AKAP13: variants seen among roughly 807,000 people sequenced by gnomAD.
AKAP13 encodes A-kinase anchoring protein 13.
In AKAP13, 80 loss-of-function variants were observed where a neutral mutation model predicts 264.5. The ratio of observed to expected loss-of-function variants is 0.30; its 90% CI spans 0.25 to 0.36. The LOEUF (loss-of-function observed/expected upper bound fraction) is 0.36, where lower values mean the gene tolerates loss of function less well. Ranked by LOEUF, AKAP13 falls within the 10% of genes least tolerant of loss-of-function variation. The pLI, the probability that AKAP13 is intolerant of heterozygous loss-of-function variation, is 1.00. For synonymous variants in AKAP13, 1,380 were observed against 1,250.2 expected, an observed-to-expected ratio of 1.10 and a Z score of -2.19; for missense variants, 3,712 against 3,435.2, an observed-to-expected ratio of 1.08 and a Z score of -2.01.
intron 10 of AKAP13, among the ~76,000 whole-genome samples, chr15:85,649,769 A>G (rs1284382246): frequency 6.6e-6 from 1 of 152,124 alleles, no homozygotes; most frequent in African/African-American, 2.4e-5. Context: ...TAAAATTTAG[A>G]TTTTATTTTT....
In AKAP13 at chr15:85,588,594, A is replaced by T. The variant is rs2079454851; in HGVS notation, c.4161+2771A>T. On this transcript the variant is annotated intron_variant, in intron 8 of 36. Coordinates refer to ENST00000394518, the MANE Select transcript of AKAP13 (RefSeq NM_007200.5). ...ATTCTAATGGTATCTTGTCTACTAT[A>T]AAGAAGAAAACAAAACATGACTTAA... Among the ~76,000 whole-genome samples, 4 of 152,226 alleles carry T rather than the reference A, an allele frequency of 2.6e-5. No individual in the cohort carries two copies. The South Asian group carries it at 8.3e-4, about 32-fold the overall frequency.
chr15:85,554,344 A>C (rs549022296), intron 5 of AKAP13, among the ~76,000 whole-genome samples: 1 of 152,206 alleles, frequency 6.6e-6, no homozygotes, highest in African/African-American at 2.4e-5. Flanking sequence ...TTGGAGAGCT[A>C]GGAAGGACAA....
chr15:85,636,222 A>T (rs1390768729), intron 8 of AKAP13, among the ~76,000 whole-genome samples: 1 of 152,092 alleles, frequency 6.6e-6, no homozygotes, highest in African/African-American at 2.4e-5. Flanking sequence ...CTAATTGCTC[A>T]TTGCTAGTAT....
intron 8 of AKAP13, among the ~76,000 whole-genome samples, chr15:85,593,897 A>T (rs1325118415): frequency 1.3e-5 from 2 of 152,216 alleles, no homozygotes; most frequent in Non-Finnish European, 2.9e-5. Context: ...AGTTTTGCCA[A>T]CTACCAGCTG....
intron 2 of AKAP13, among the ~76,000 whole-genome samples, chr15:85,510,931 A>G (rs2076394836): frequency 6.6e-6 from 1 of 152,140 alleles, no homozygotes; most frequent in African/African-American, 2.4e-5. Flanking sequence ...GGCAAATCCC[A>G]TGTTTTTAGG....
chr15:85,582,537 A>G (rs763647831), intron 7 of AKAP13, among the ~76,000 whole-genome samples: 20 of 152,100 alleles, frequency 1.3e-4, no homozygotes, highest in Non-Finnish European at 2.4e-4. Context: ...CTCCCCTATC[A>G]TCCTAGTCTG....
In AKAP13 at chr15:85,718,715, C is replaced by G; in HGVS notation, c.6002-361C>G. The G allele has an allele frequency of 3.8e-6, 1 of 263,498 alleles. No individual in the cohort carries two copies. The highest frequency in any genetic ancestry group is 4.0e-5 in the South Asian group (1 of 25,252). The allele number at this position is 263,498 out of a possible 1,614,324, so 16.3% of individuals were successfully genotyped here. A position where few individuals can be genotyped will look rare whatever the true frequency, so the allele number is the denominator to read the frequency against. ...CCAGAGTTCAAGACTAGCCTGGGAA[C>G]ATAGTGAAACCCCATTTCTATAAAA... On this transcript the variant is annotated intron_variant, in intron 22 of 36. Transcript: ENST00000394518. This position sits in a 1 kb window ranked among gnomAD's most constrained non-coding sequence, Gnocchi z 4.9.
chr15:85,594,836 G>C (rs1001697155), intron 8 of AKAP13, among the ~76,000 whole-genome samples: 1 of 152,152 alleles, frequency 6.6e-6, no homozygotes, highest in Non-Finnish European at 1.5e-5. Context: ...TTTAACAAGA[G>C]TCTAGTGATA....
At chr15:85,453,626 C>A (rs1008339790) in intron 1 of AKAP13, among the ~76,000 whole-genome samples, 3 of 152,170 alleles carry the variant, frequency 2.0e-5, no homozygotes, top group African/African-American at 7.2e-5. Context: ...AAAAAGCAGT[C>A]TGGCCACATT....
chr15:85,741,094 C>T lies in AKAP13; in HGVS notation c.7657C>T (p.Leu2553=). The change falls in exon 35 of 37, where the codon CTG becomes TTG. Residue 2553 remains leucine, a synonymous_variant. Transcript: ENST00000394518. ...CTACATTGAGGACCAGAAACTGGTGCTGAGCGAGAGGGCGCTCACTCGCAG... is the reference window on the plus strand; with the variant it reads ...CTACATTGAGGACCAGAAACTGGTGTTGAGCGAGAGGGCGCTCACTCGCAG... ...DSYIEDQKLV[L]SERALTRSLS... The T allele has an allele frequency of 1.9e-6, 3 of 1,613,504 alleles. No individual in the cohort carries two copies. Among genetic ancestry groups the T allele is most frequent in the Non-Finnish European group, 2.5e-6 (3 of 1,179,800 alleles).
chr15:85,584,066 A>G (rs1225215764), intron 7 of AKAP13, among the ~76,000 whole-genome samples: 1 of 152,208 alleles, frequency 6.6e-6, no homozygotes. Context: ...CCCTGGTCAC[A>G]TTACTTTAGA....
intron 8 of AKAP13, chr15:85,620,072 C>G: frequency 6.5e-7 from 1 of 1,536,004 alleles, no homozygotes; most frequent in East Asian, 2.4e-5. Flanking sequence ...TTTCTCTGTT[C>G]TTTCTTGCAT....
chr15:85,618,498 TG>T (rs1360637246), intron 8 of AKAP13, among the ~76,000 whole-genome samples: 1 of 152,100 alleles, frequency 6.6e-6, no homozygotes, highest in Non-Finnish European at 1.5e-5. Context: ...CACTCCTTTC[TG>T]CTTTTTGCTT....
chr15:85,700,340 T>C (rs1246943968), intron 17 of AKAP13, among the ~76,000 whole-genome samples: 1 of 152,210 alleles, frequency 6.6e-6, no homozygotes, highest in Non-Finnish European at 1.5e-5. Context: ...TTTACTGGAC[T>C]CCCTGGATGA....
At position 85,694,387 on chromosome 15, in the gene AKAP13, A is replaced by G. The variant is rs74608524; in HGVS notation, c.5464+936A>G. Among the ~76,000 whole-genome samples, 161 of 152,376 alleles carry G rather than the reference A, an allele frequency of 1.1e-3. 1 individual carries two copies. The highest frequency in any genetic ancestry group is 9.4e-3 in the East Asian group (49 of 5,192). ...CGTGACCCACATGGTCTCTGTCACA[A>G]TTCTTGAACTCTGCAGTTGCAGTGC... On this transcript the variant is annotated intron_variant, in intron 17 of 36. Coordinates refer to ENST00000394518, the MANE Select transcript of AKAP13 (RefSeq NM_007200.5).
At chr15:85,640,392 T>A (rs1353304043) in intron 9 of AKAP13, among the ~76,000 whole-genome samples, 1 of 152,210 alleles carries the variant, frequency 6.6e-6, no homozygotes, top group African/African-American at 2.4e-5. Flanking sequence ...TAGAAATAGT[T>A]TACATGTAGA....
At chr15:85,591,261 G>A (rs2079566790) in intron 8 of AKAP13, among the ~76,000 whole-genome samples, 1 of 152,136 alleles carries the variant, frequency 6.6e-6, no homozygotes, top group Non-Finnish European at 1.5e-5. Flanking sequence ...AGAATCATCT[G>A]AGGGTACACT....
chr15:85,633,023 G>A (rs1054897762), intron 8 of AKAP13, among the ~76,000 whole-genome samples: 3 of 152,040 alleles, frequency 2.0e-5, no homozygotes, highest in Admixed American at 1.3e-4. Flanking sequence ...GTGCCACCAC[G>A]CCCAGATAAT....
intron 1 of AKAP13, among the ~76,000 whole-genome samples, chr15:85,478,030 C>T (rs2075230454): frequency 6.6e-6 from 1 of 152,188 alleles, no homozygotes; most frequent in Non-Finnish European, 1.5e-5. Context: ...TTTGCTTCTT[C>T]CAGTAATCTC....
Sources: allele counts gnomAD v4.1 joint callset (sites outside exome capture counted in the v4.1 genomes callset), GRCh38; gene constraint gnomAD v4.1.1; non-coding constraint Gnocchi (gnomAD v3.1); transcripts MANE v1.5; gene names NCBI Gene and HGNC (gene_info 2026-07-23, HGNC 2026-07-21).